FBXW8: variants seen among roughly 807,000 people sequenced by gnomAD.
The protein encoded by FBXW8 is F-box/WD repeat-containing protein 8.
A neutral mutation model predicts 65.3 loss-of-function variants in FBXW8; 57 were observed. That is an observed-to-expected ratio of 0.87 (90% CI 0.71 to 1.09). FBXW8 has a LOEUF of 1.09. Among genes scored for constraint, FBXW8 ranks in the 50% least tolerant of loss-of-function variants. The pLI, the probability that FBXW8 is intolerant of heterozygous loss-of-function variation, is 0.00. For missense variants in FBXW8, 777 were observed against 814.8 expected, an observed-to-expected ratio of 0.95 and a Z score of 0.57; for synonymous variants, 308 against 330.2, an observed-to-expected ratio of 0.93 and a Z score of 0.73.
At chr12:116,967,648 T>C (rs1884406641) in intron 5 of FBXW8, among the ~76,000 whole-genome samples, 1 of 152,218 alleles carries the variant, frequency 6.6e-6, no homozygotes, top group Non-Finnish European at 1.5e-5. Context: ...CTCTGCAAAT[T>C]GTTTGTTCCT....
intron 8 of FBXW8, among the ~76,000 whole-genome samples, chr12:117,016,905 A>G (rs1016677684): frequency 1.3e-5 from 2 of 152,102 alleles, no homozygotes; most frequent in Non-Finnish European, 2.9e-5. Context: ...TCCCCCATTC[A>G]ATTGTCTTGG....
At chr12:116,982,971 C>T (rs1885422585) in intron 5 of FBXW8, among the ~76,000 whole-genome samples, 1 of 152,128 alleles carries the variant, frequency 6.6e-6, no homozygotes. Context: ...CAAGTCATGA[C>T]ATAACAAGTG....
chr12:116,952,207 C>T (rs1281764708), intron 4 of FBXW8, among the ~76,000 whole-genome samples: 1 of 152,130 alleles, frequency 6.6e-6, no homozygotes, highest in African/African-American at 2.4e-5. Flanking sequence ...TGACATTGGC[C>T]ATTCATGTAC....
Position 116,961,274 on chromosome 12 carries a change from C to A in FBXW8, c.678-3423C>A, listed in dbSNP as rs149171262. ...TCAGCCTCCCAAAGTGCTGGGATTACAGGCATGAGCCACCGTGCCCGGCCT... is the reference window on the plus strand; with the variant it reads ...TCAGCCTCCCAAAGTGCTGGGATTAAAGGCATGAGCCACCGTGCCCGGCCT... On this transcript the variant is annotated intron_variant, in intron 4 of 10. Transcript: ENST00000652555. This position sits in a 1 kb window ranked among gnomAD's most constrained non-coding sequence, Gnocchi z 4.4. Among the ~76,000 whole-genome samples, 3,572 of 152,276 alleles carry A rather than the reference C, an allele frequency of 0.023. 85 individuals carry two copies. The highest frequency in any genetic ancestry group is 0.058 in the South Asian group (279 of 4,828).
chr12:117,020,892 G>A (rs1178430773), intron 8 of FBXW8, among the ~76,000 whole-genome samples: 1 of 152,232 alleles, frequency 6.6e-6, no homozygotes, highest in Non-Finnish European at 1.5e-5. Flanking sequence ...CAGTGGAACT[G>A]TCAACATGTT....
chr12:116,962,304 A>G (rs1048401226), intron 4 of FBXW8, among the ~76,000 whole-genome samples: 7 of 152,212 alleles, frequency 4.6e-5, no homozygotes, highest in East Asian at 3.9e-4. Context: ...AGCGGGCTCA[A>G]CAGTTTCTGT....
chr12:117,012,365 A>G (rs1216123329), intron 8 of FBXW8, among the ~76,000 whole-genome samples: 1 of 152,086 alleles, frequency 6.6e-6, no homozygotes, highest in African/African-American at 2.4e-5. Context: ...GGGGCATCCA[A>G]ATTGGCATTT....
intron 7 of FBXW8, among the ~76,000 whole-genome samples, chr12:116,998,101 G>A (rs950434526): frequency 1.3e-5 from 2 of 152,186 alleles, no homozygotes; most frequent in African/African-American, 2.4e-5. Context: ...TTACAGGTGT[G>A]AGCCACCGCG....
chr12:117,024,191 T>C lies in FBXW8; in HGVS notation c.1412T>C (p.Leu471Pro), dbSNP rs1032198825. Residue 471 changes from leucine to proline, a missense_variant, in exon 9 of 11, where the codon CTC becomes CCC. Leu to Pro is a moderately conservative substitution (Grantham distance 98). Transcript: ENST00000652555. ...DLRSGNIALS[L>P]SAHQLRVSAV... ...CGCAGTGGTAACATCGCCCTGTCGCTCTCCGCCCATCAGCTCAGGGTCTCT... is the reference window on the plus strand; with the variant it reads ...CGCAGTGGTAACATCGCCCTGTCGCCCTCCGCCCATCAGCTCAGGGTCTCT... The C allele has an allele frequency of 6.2e-7, 1 of 1,614,152 alleles. No homozygotes were observed. Among genetic ancestry groups the C allele is most frequent in the Non-Finnish European group, 8.5e-7 (1 of 1,180,030 alleles).
chr12:116,985,708 T>G, intron 6 of FBXW8: 1 of 261,880 alleles, frequency 3.8e-6, no homozygotes, highest in Middle Eastern at 1.2e-3. Flanking sequence ...CTTGGCCTTC[T>G]TCAGACTAAC....
At chr12:116,955,696 T>C (rs933999677) in intron 4 of FBXW8, among the ~76,000 whole-genome samples, 6 of 152,200 alleles carry the variant, frequency 3.9e-5, no homozygotes, top group Non-Finnish European at 5.9e-5. Flanking sequence ...GAAAGGGGCA[T>C]ATGGAAACAT....
At position 116,961,791 on chromosome 12, in the gene FBXW8, A is replaced by G. The variant is rs950354373; in HGVS notation, c.678-2906A>G. On this transcript the variant is annotated intron_variant, in intron 4 of 10. Transcript: ENST00000652555. The surrounding 1 kb of genome is among the most constrained non-coding windows in gnomAD (Gnocchi z 4.4). ...AGATCGTAGTGCGGTGTAGTGTGGC[A>G]TGTGAGGGAGAAAGGAAGTAAAGGA... is the stretch of plus-strand genomic sequence containing the variant. 6.6e-6 allele frequency among the ~76,000 whole-genome samples: 1 copy of G among 152,200 alleles called. No homozygotes were observed. Among genetic ancestry groups the G allele is most frequent in the Non-Finnish European group, 1.5e-5 (1 of 68,050 alleles).
chr12:116,929,786 T>C (rs907744234), intron 2 of FBXW8, among the ~76,000 whole-genome samples: 1 of 152,170 alleles, frequency 6.6e-6, no homozygotes, highest in Non-Finnish European at 1.5e-5. Context: ...TCTGAACTTA[T>C]TTCTCTCATC....
chr12:116,998,062 G>A (rs1395296480), intron 7 of FBXW8, among the ~76,000 whole-genome samples: 1 of 152,070 alleles, frequency 6.6e-6, no homozygotes, highest in Non-Finnish European at 1.5e-5. Context: ...CAGGTGATCC[G>A]CCTTCCTTAG....
intron 7 of FBXW8, among the ~76,000 whole-genome samples, chr12:117,002,269 T>C (rs575706205): frequency 5.3e-5 from 8 of 152,248 alleles, no homozygotes; most frequent in Non-Finnish European, 1.2e-4. Context: ...ACCCAGCGCC[T>C]GGCGACGCTC....
In FBXW8 at chr12:117,028,307, C is replaced by T. The variant is rs2291914; in HGVS notation, c.*135C>T. On this transcript the variant is annotated 3_prime_UTR_variant, in exon 11 of 11. Transcript: ENST00000652555. The surrounding 1 kb of genome is among the most constrained non-coding windows in gnomAD (Gnocchi z 4.1). Reference sequence around the variant, plus strand: ...GCCCAGGGTGCCATGCCTGACAGCACGCATCTCCCTGACCCCTGCACTTCC... The same window carrying T: ...GCCCAGGGTGCCATGCCTGACAGCATGCATCTCCCTGACCCCTGCACTTCC... 3.4e-4 allele frequency: 371 copies of T among 1,090,986 alleles called. No homozygotes were observed. The East Asian group carries it at 5.0e-3, about 15-fold the overall frequency. The allele number at this position is 1,090,986 out of a possible 1,614,324, so 67.6% of individuals were successfully genotyped here.
At chr12:117,013,034 C>T (rs1253209097) in intron 8 of FBXW8, among the ~76,000 whole-genome samples, 1 of 152,094 alleles carries the variant, frequency 6.6e-6, no homozygotes, top group Non-Finnish European at 1.5e-5. Context: ...CGCTTGAGGT[C>T]AGGAGTTCAA....
intron 1 of FBXW8, among the ~76,000 whole-genome samples, chr12:116,920,426 C>G (rs540490977): frequency 1.3e-5 from 2 of 152,350 alleles, no homozygotes; most frequent in South Asian, 4.1e-4. Context: ...AGAAAAAAGC[C>G]TGTGCCCTTG....
In FBXW8 at chr12:117,029,590, G is replaced by A. The variant is rs973391839; in HGVS notation, c.*1418G>A. On this transcript the variant is annotated 3_prime_UTR_variant, in exon 11 of 11. Transcript: ENST00000652555. ...CAGTGGAATCGAAAACCAATAGTTA[G>A]TTAATATAAAGCCAGAAGGTTTTGT... is the stretch of plus-strand genomic sequence containing the variant. 5.3e-5 allele frequency: 8 copies of A among 152,208 alleles called. No homozygotes were observed. The highest frequency in any genetic ancestry group is 1.9e-4 in the African/African-American group (8 of 41,526). The allele number at this position is 152,208 out of a possible 1,614,324, so 9.4% of individuals were successfully genotyped here.
Sources: allele counts gnomAD v4.1 joint callset (sites outside exome capture counted in the v4.1 genomes callset), GRCh38; gene constraint gnomAD v4.1.1; non-coding constraint Gnocchi (gnomAD v3.1); transcripts MANE v1.5; gene names NCBI Gene and HGNC (gene_info 2026-07-23, HGNC 2026-07-21).